Variants in GRIA2 observed in about 807,000 individuals in gnomAD.
The protein encoded by GRIA2 is glutamate ionotropic receptor AMPA type subunit 2, also known as glutamate receptor 2.
GRIA2 carries 14 observed loss-of-function variants against 97.3 expected under a neutral mutation model. The observed-to-expected ratio is 0.14, with a 90% confidence interval of 0.10 to 0.23. The LOEUF (loss-of-function observed/expected upper bound fraction) is 0.23. GRIA2 is among the 10% of genes least tolerant of loss of function. The pLI is 1.00. For missense variants in GRIA2, 558 were observed against 1,069.8 expected (o/e 0.52, Z 6.67); for synonymous variants, 412 against 387.8 (o/e 1.06, Z -0.73).
chr4:157,276,100 C>T (rs987523580), intron 2 of GRIA2, among the ~76,000 whole-genome samples: 4 of 152,128 alleles, frequency 2.6e-5, no homozygotes, highest in African/African-American at 9.6e-5. Context: ...AATTGGATTC[C>T]TAGGTATTTT....
At position 157,312,692 on chromosome 4, in the gene GRIA2, G is replaced by A; in HGVS notation, c.483G>A (p.Leu161=). Residue 161 remains leucine (L), a synonymous_variant, in exon 4 of 16, where the codon CTG becomes CTA. Transcript: ENST00000264426. The part of the protein sequence containing the change: ...LYDSDRGLST[L]QAVLDSAAEK... ...TTGCCTTCCTAGGCTTATCAACACT[G>A]CAAGCTGTGCTGGATTCTGCTGCTG... The A allele has an allele frequency of 3.1e-6, 5 of 1,600,244 alleles. No individual in the cohort carries two copies. Among genetic ancestry groups the A allele is most frequent in the South Asian group, 1.1e-5 (1 of 89,432 alleles).
chr4:157,233,338 A>T (rs1050527260), intron 2 of GRIA2, among the ~76,000 whole-genome samples: 3 of 152,156 alleles, frequency 2.0e-5, no homozygotes, highest in African/African-American at 7.2e-5. Flanking sequence ...ATGTTGAACA[A>T]TTTCAAACTC....
intron 2 of GRIA2, among the ~76,000 whole-genome samples, chr4:157,275,586 T>C (rs1245427453): frequency 5.3e-5 from 8 of 152,188 alleles, no homozygotes; most frequent in Non-Finnish European, 1.0e-4. Context: ...TTTTTACATA[T>C]GGCTAGTCAG....
chr4:157,277,303 T>C (rs1024414403), intron 2 of GRIA2, among the ~76,000 whole-genome samples: 7 of 151,930 alleles, frequency 4.6e-5, no homozygotes, highest in African/African-American at 9.7e-5. Flanking sequence ...TCATATCATA[T>C]GCAGAAAAAG....
chr4:157,254,808 GT>G (rs1343331676), intron 2 of GRIA2, among the ~76,000 whole-genome samples: 1 of 151,994 alleles, frequency 6.6e-6, no homozygotes, highest in African/African-American at 2.4e-5. Flanking sequence ...GATACTCACT[GT>G]TTTTCAGTGG....
chr4:157,301,068 T>C (rs774891358), intron 2 of GRIA2, among the ~76,000 whole-genome samples: 2 of 152,184 alleles, frequency 1.3e-5, no homozygotes, highest in Admixed American at 1.3e-4. Flanking sequence ...ATTCCTATAG[T>C]ACCTAGATGA....
chr4:157,228,741 C>G (rs980548968), intron 2 of GRIA2, among the ~76,000 whole-genome samples: 1 of 127,318 alleles, frequency 7.9e-6, no homozygotes, highest in East Asian at 2.4e-4. Context: ...TGCAGTGAGC[C>G]GAGATAGCAC....
intron 2 of GRIA2, among the ~76,000 whole-genome samples, chr4:157,271,945 C>A (rs1025785739): frequency 6.6e-6 from 1 of 151,940 alleles, no homozygotes; most frequent in African/African-American, 2.4e-5. Context: ...GCAAAGAATG[C>A]CTTTTAGAAC....
At chr4:157,247,987 C>A (rs572810288) in intron 2 of GRIA2, among the ~76,000 whole-genome samples, 3 of 152,128 alleles carry the variant, frequency 2.0e-5, no homozygotes, top group Non-Finnish European at 4.4e-5. Context: ...TCAAATATAA[C>A]AAGTATAAAC....
At chr4:157,341,956 G>A (rs1369923066) in intron 12 of GRIA2, 1 of 169,854 alleles carries the variant, frequency 5.9e-6, no homozygotes, top group Non-Finnish European at 1.2e-5. Context: ...GCCAACAAAG[G>A]CTCTCCACTT....
intron 2 of GRIA2, among the ~76,000 whole-genome samples, chr4:157,234,337 A>G: frequency 6.6e-6 from 1 of 152,016 alleles, no homozygotes; most frequent in East Asian, 1.9e-4. Flanking sequence ...AAAATAATAA[A>G]CTTCTTTAAT....
chr4:157,345,141 A>T (rs1735713509), intron 12 of GRIA2, among the ~76,000 whole-genome samples: 1 of 152,104 alleles, frequency 6.6e-6, no homozygotes. Context: ...AAAGTCAGTG[A>T]GTATGTAATT....
At chr4:157,329,820 T>C (rs1734969404) in intron 6 of GRIA2, among the ~76,000 whole-genome samples, 1 of 151,942 alleles carries the variant, frequency 6.6e-6, no homozygotes. Context: ...GTACCTGGGA[T>C]TGAAAAGGTT....
At chr4:157,252,117 T>C (rs568030109) in intron 2 of GRIA2, among the ~76,000 whole-genome samples, 94 of 152,258 alleles carry the variant, frequency 6.2e-4, no homozygotes, top group African/African-American at 2.2e-3. Flanking sequence ...AGAATGTCTA[T>C]CATAAAACAG....
intron 2 of GRIA2, among the ~76,000 whole-genome samples, chr4:157,269,042 A>G (rs1418793736): frequency 4.6e-5 from 7 of 152,128 alleles, no homozygotes; most frequent in African/African-American, 1.2e-4. Context: ...ACACACACAT[A>G]CAAGTACACA....
intron 13 of GRIA2, among the ~76,000 whole-genome samples, chr4:157,360,372 T>C (rs1736581283): frequency 6.6e-6 from 1 of 152,144 alleles, no homozygotes. Context: ...ATATCCTTTT[T>C]TTTTTCCTTT....
At chr4:157,228,350 T>C (rs1487171652) in intron 2 of GRIA2, among the ~76,000 whole-genome samples, 1 of 152,224 alleles carries the variant, frequency 6.6e-6, no homozygotes, top group Non-Finnish European at 1.5e-5. Flanking sequence ...GTATTATATT[T>C]TTCACTTTCA....
chr4:157,282,934 C>T (rs1732673608), intron 2 of GRIA2, among the ~76,000 whole-genome samples: 1 of 151,916 alleles, frequency 6.6e-6, no homozygotes. Context: ...ATAGAGTTTG[C>T]CTAGATACAT....
Position 157,363,650 on chromosome 4 carries a change from T to C in GRIA2, c.*219T>C, listed in dbSNP as rs1295663040. 1.8e-6 allele frequency: 2 copies of C among 1,100,152 alleles called. No individual in the cohort carries two copies. The highest frequency in any genetic ancestry group is 2.3e-6 in the Non-Finnish European group (2 of 865,770). 68.1% of individuals were successfully genotyped at this position (1,100,152 alleles called of 1,614,324 possible). ...ACACAATGGTTTTCTTGTGTGTTTA[T>C]TGTCAAAGTGGTGAGAGGCATCCAG... On this transcript the variant is annotated 3_prime_UTR_variant, in exon 16 of 16. Transcript: ENST00000264426.
Sources: allele counts gnomAD v4.1 joint callset (sites outside exome capture counted in the v4.1 genomes callset), GRCh38; gene constraint gnomAD v4.1.1; transcripts MANE v1.5; gene names NCBI Gene and HGNC (gene_info 2026-07-23, HGNC 2026-07-21).